Variants in SPIDR observed in about 807,000 individuals in gnomAD.
The protein encoded by SPIDR is DNA repair-scaffolding protein.
SPIDR carries 93 observed loss-of-function variants against 104.6 expected under a neutral mutation model. That is an observed-to-expected ratio of 0.89 (90% CI 0.75 to 1.06). The LOEUF (loss-of-function observed/expected upper bound fraction) is 1.06. SPIDR is among the 50% of genes least tolerant of loss of function. The pLI is 0.00. For synonymous variants in SPIDR, 431 were observed against 416.9 expected, an observed-to-expected ratio of 1.03 and a Z score of -0.41; for missense variants, 1,154 against 1,111.2, an observed-to-expected ratio of 1.04 and a Z score of -0.55.
intron 5 of SPIDR, among the ~76,000 whole-genome samples, chr8:47,327,259 CTATT>C (rs1231806599): frequency 2.6e-5 from 4 of 152,122 alleles, no homozygotes; most frequent in Admixed American, 2.6e-4. Context: ...GAAAAAATAT[CTATT>C]CAAGTTTTTT....
chr8:47,453,487 A>C (rs564672043), intron 8 of SPIDR, among the ~76,000 whole-genome samples: 267 of 152,274 alleles, frequency 1.8e-3, no homozygotes, highest in Admixed American at 2.7e-3. Context: ...CTACAGTAAC[A>C]AAAACACCAT....
At chr8:47,626,781 CT>C (rs1257561635) in intron 10 of SPIDR, among the ~76,000 whole-genome samples, 1 of 152,176 alleles carries the variant, frequency 6.6e-6, no homozygotes, top group Non-Finnish European at 1.5e-5. Context: ...CACTTTTACA[CT>C]GTTGGTGGGA....
intron 8 of SPIDR, among the ~76,000 whole-genome samples, chr8:47,495,226 CT>C (rs2079257862): frequency 2.0e-5 from 3 of 151,980 alleles, no homozygotes; most frequent in Admixed American, 2.0e-4. Flanking sequence ...CTGGCTTTTA[CT>C]AAATGAATAT....
At chr8:47,303,921 C>G (rs2154250094) in intron 5 of SPIDR, among the ~76,000 whole-genome samples, 1 of 152,268 alleles carries the variant, frequency 6.6e-6, no homozygotes, top group Non-Finnish European at 1.5e-5. Flanking sequence ...AGTTGATCCA[C>G]CCACCTCGGC....
chr8:47,538,434 C>T (rs1028074397), intron 8 of SPIDR, among the ~76,000 whole-genome samples: 1 of 151,832 alleles, frequency 6.6e-6, no homozygotes, highest in African/African-American at 2.4e-5. Context: ...GTCCCAGCTA[C>T]TAGGGAGGCT....
chr8:47,606,468 G>A (rs1162276454), intron 10 of SPIDR, among the ~76,000 whole-genome samples: 1 of 152,098 alleles, frequency 6.6e-6, no homozygotes, highest in Non-Finnish European at 1.5e-5. Context: ...GGAGCTTGCA[G>A]TGAGCCGAGA....
intron 11 of SPIDR, among the ~76,000 whole-genome samples, chr8:47,693,937 GGTGGGAGT>G (rs1451369006): frequency 6.6e-6 from 1 of 152,218 alleles, no homozygotes; most frequent in Non-Finnish European, 1.5e-5. Context: ...GGTCCTCCAG[GGTGGGAGT>G]GTGGGAGCAT....
intron 1 of SPIDR, among the ~76,000 whole-genome samples, chr8:47,265,928 G>A (rs975083199): frequency 5.3e-5 from 8 of 152,060 alleles, no homozygotes; most frequent in Admixed American, 2.0e-4. Context: ...TTTTATAAGG[G>A]CATCAATCCC....
intron 5 of SPIDR, among the ~76,000 whole-genome samples, chr8:47,368,348 A>C (rs2057515309): frequency 9.9e-5 from 5 of 50,460 alleles, no homozygotes; most frequent in South Asian, 7.4e-4. Flanking sequence ...GAAGTCAAAA[A>C]AAAAAAAAAA....
intron 5 of SPIDR, among the ~76,000 whole-genome samples, chr8:47,354,937 C>T (rs1364046491): frequency 1.3e-5 from 2 of 152,064 alleles, no homozygotes; most frequent in African/African-American, 4.8e-5. Flanking sequence ...GCTACCACAC[C>T]AAGCCCTAAT....
chr8:47,411,970 T>C (rs1474543482), intron 7 of SPIDR, among the ~76,000 whole-genome samples: 4 of 152,226 alleles, frequency 2.6e-5, no homozygotes, highest in Non-Finnish European at 4.4e-5. Context: ...GTTGTAGATA[T>C]GCAGCATTAT....
intron 5 of SPIDR, among the ~76,000 whole-genome samples, chr8:47,328,780 T>G (rs2154266750): frequency 6.6e-6 from 1 of 152,322 alleles, no homozygotes; most frequent in East Asian, 1.9e-4. Context: ...TGCATCTATG[T>G]ACACCAGTTT....
At chr8:47,507,506 G>C (rs1411745396) in intron 8 of SPIDR, among the ~76,000 whole-genome samples, 2 of 152,242 alleles carry the variant, frequency 1.3e-5, no homozygotes, top group Non-Finnish European at 2.9e-5. Flanking sequence ...TCCTCAGACA[G>C]CTGGTCATGC....
intron 17 of SPIDR, among the ~76,000 whole-genome samples, chr8:47,727,671 C>A (rs1342235710): frequency 6.6e-6 from 1 of 152,224 alleles, no homozygotes; most frequent in African/African-American, 2.4e-5. Context: ...TGAGCAGCTA[C>A]TGGACAGATG....
At chr8:47,547,205 A>C (rs2089564218) in intron 8 of SPIDR, 1 of 652,088 alleles carries the variant, frequency 1.5e-6, no homozygotes, top group Non-Finnish European at 2.8e-6. Flanking sequence ...GTGCCCACGA[A>C]GATTTTTCTC....
At chr8:47,731,440 A>G (rs2085218441) in intron 19 of SPIDR, among the ~76,000 whole-genome samples, 1 of 152,184 alleles carries the variant, frequency 6.6e-6, no homozygotes, top group Non-Finnish European at 1.5e-5. Flanking sequence ...GTGAGTCATC[A>G]CTACAGGCCA....
intron 5 of SPIDR, among the ~76,000 whole-genome samples, chr8:47,373,720 A>G (rs2058329574): frequency 6.6e-6 from 1 of 152,104 alleles, no homozygotes; most frequent in South Asian, 2.1e-4. Context: ...ATTATTTAAA[A>G]CTTCTGTAGA....
intron 8 of SPIDR, among the ~76,000 whole-genome samples, chr8:47,458,772 G>T (rs2073445698): frequency 6.6e-6 from 1 of 151,972 alleles, no homozygotes; most frequent in Non-Finnish European, 1.5e-5. Flanking sequence ...TTGGCTGTGG[G>T]TTTATTACAT....
intron 8 of SPIDR, among the ~76,000 whole-genome samples, chr8:47,525,474 T>C (rs1026441743): frequency 1.3e-5 from 2 of 152,232 alleles, no homozygotes; most frequent in African/African-American, 4.8e-5. Context: ...TCTCCCTCTT[T>C]CCAAAGTTTT....
Sources: gnomAD v4.1 joint callset for allele counts (sites outside exome capture counted in the v4.1 genomes callset) on GRCh38, gnomAD v4.1.1 for gene constraint, MANE v1.5 for transcripts, NCBI Gene and HGNC (gene_info 2026-07-23, HGNC 2026-07-21) for gene names.